The following RARB variants were observed in gnomAD, a reference collection of about 807,000 sequenced individuals.
RARB encodes the protein HBV-activated protein.
In RARB, 17 loss-of-function variants were observed where a neutral mutation model predicts 51.9. The ratio of observed to expected loss-of-function variants is 0.33; its 90% CI spans 0.22 to 0.49. RARB has a LOEUF of 0.49. Ranked by LOEUF, RARB falls within the 20% of genes least tolerant of loss-of-function variation. RARB has a pLI of 0.99. For missense variants in RARB, 369 were observed against 550.8 expected (o/e 0.67, Z 3.30); for synonymous variants, 215 against 195.4 (o/e 1.10, Z -0.84).
chr3:25,093,712 T>C (rs1304600132), intron 3 of RARB, among the ~76,000 whole-genome samples: 2 of 152,084 alleles, frequency 1.3e-5, no homozygotes, highest in African/African-American at 4.8e-5. Context: ...GGGTTTTTTT[T>C]TGCATGTCTC....
chr3:25,459,448 T>G (rs1695064411), intron 1 of RARB, among the ~76,000 whole-genome samples: 1 of 151,966 alleles, frequency 6.6e-6, no homozygotes, highest in African/African-American at 2.4e-5. Context: ...TACTAAGGAG[T>G]TTGACTTTGA....
At chr3:25,107,194 C>G (rs1699523187) in intron 3 of RARB, among the ~76,000 whole-genome samples, 1 of 152,178 alleles carries the variant, frequency 6.6e-6, no homozygotes, top group South Asian at 2.1e-4. Flanking sequence ...AGCCACTGCA[C>G]CCAGCCCCTT....
At chr3:25,444,491 G>A (rs890214094) in intron 1 of RARB, among the ~76,000 whole-genome samples, 1 of 152,058 alleles carries the variant, frequency 6.6e-6, no homozygotes, top group African/African-American at 2.4e-5. Flanking sequence ...ATTAAATTAT[G>A]TACACATCAG....
chr3:25,460,029 G>A (rs559027971), intron 1 of RARB, among the ~76,000 whole-genome samples: 1 of 152,274 alleles, frequency 6.6e-6, no homozygotes, highest in South Asian at 2.1e-4. Context: ...CATGGAATTT[G>A]GGTGGTTAGA....
chr3:25,153,305 T>C (rs1366257400), intron 4 of RARB, among the ~76,000 whole-genome samples: 1 of 152,210 alleles, frequency 6.6e-6, no homozygotes, highest in Non-Finnish European at 1.5e-5. Flanking sequence ...CGCAGACTTT[T>C]AACAAGCAAT....
chr3:25,109,097 T>C (rs1699557680), intron 3 of RARB, among the ~76,000 whole-genome samples: 1 of 152,218 alleles, frequency 6.6e-6, no homozygotes. Flanking sequence ...ACAATAGCTC[T>C]GAAGGTGTTA....
At chr3:24,995,984 A>C (rs1362277292) in intron 2 of RARB, among the ~76,000 whole-genome samples, 1 of 152,012 alleles carries the variant, frequency 6.6e-6, no homozygotes, top group East Asian at 1.9e-4. Flanking sequence ...GAATGAGTTA[A>C]GAAGAATTTC....
chr3:25,017,261 C>T (rs1008167355), intron 2 of RARB, among the ~76,000 whole-genome samples: 4 of 141,878 alleles, frequency 2.8e-5, no homozygotes, highest in Admixed American at 7.1e-5. Context: ...GAAGTGAACT[C>T]GATTGTGACT....
At chr3:25,335,534 C>T (rs560307435) in intron 5 of RARB, among the ~76,000 whole-genome samples, 3 of 152,126 alleles carry the variant, frequency 2.0e-5, no homozygotes, top group Non-Finnish European at 4.4e-5. Flanking sequence ...ACCTCATTAC[C>T]TTCTCTTGGC....
intron 2 of RARB, among the ~76,000 whole-genome samples, chr3:25,469,589 C>T (rs1237360328): frequency 6.6e-6 from 1 of 152,210 alleles, no homozygotes; most frequent in African/African-American, 2.4e-5. Context: ...ACCCAAAAAG[C>T]GTCCCTCTGT....
intron 2 of RARB, among the ~76,000 whole-genome samples, chr3:24,861,529 AAG>A (rs1381876553): frequency 6.6e-6 from 1 of 151,998 alleles, no homozygotes; most frequent in Non-Finnish European, 1.5e-5. Context: ...ATTAGGAACT[AAG>A]AGAATGATTT....
chr3:24,830,724 A>G (rs1702268853), intron 1 of RARB, among the ~76,000 whole-genome samples: 1 of 151,826 alleles, frequency 6.6e-6, no homozygotes, highest in Non-Finnish European at 1.5e-5. Context: ...CTGTCCTGCC[A>G]GTTATGGAGG....
chr3:25,232,605 C>T (rs1702204875), intron 5 of RARB, among the ~76,000 whole-genome samples: 1 of 152,004 alleles, frequency 6.6e-6, no homozygotes. Context: ...ATATTTATGT[C>T]TAAGTATCAA....
chr3:25,306,502 TA>T lies in RARB; in HGVS notation c.178+131939del, dbSNP rs879672866. Among the ~76,000 whole-genome samples, 742 of 142,230 alleles carry T rather than the reference TA, an allele frequency of 5.2e-3. 3 individuals are homozygous for T. Among genetic ancestry groups the T allele is most frequent in the African/African-American group, 0.01 (398 of 38,930 alleles). 93.3% of individuals were successfully genotyped at this position (142,230 alleles called of 152,430 possible). ...GAAAAACCAGGAATTATTCATTCTT[TA>T]AAAAAAAAAAAGACTTAGAAGAAAA... On this transcript the variant is annotated intron_variant, in intron 5 of 11. Transcript: ENST00000383772.
intron 2 of RARB, among the ~76,000 whole-genome samples, chr3:24,988,281 G>T (rs1246620370): frequency 1.3e-5 from 2 of 152,116 alleles, no homozygotes; most frequent in Non-Finnish European, 1.5e-5. Flanking sequence ...TTGAGCTTAG[G>T]GGTTGTGAGT....
intron 2 of RARB, among the ~76,000 whole-genome samples, chr3:24,979,757 C>T (rs1355890160): frequency 6.6e-6 from 1 of 152,092 alleles, no homozygotes; most frequent in Admixed American, 6.6e-5. Context: ...TTAATTGGGA[C>T]ATTTAACCCA....
chr3:25,096,030 G>T (rs1699287055), intron 3 of RARB, among the ~76,000 whole-genome samples: 1 of 152,138 alleles, frequency 6.6e-6, no homozygotes, highest in South Asian at 2.1e-4. Context: ...CCCATTACTG[G>T]ACTGCTTAAT....
At chr3:25,262,452 T>C (rs1364212248) in intron 5 of RARB, among the ~76,000 whole-genome samples, 1 of 152,222 alleles carries the variant, frequency 6.6e-6, no homozygotes, top group Non-Finnish European at 1.5e-5. Context: ...AAATCTAATA[T>C]GGATCTCATT....
intron 2 of RARB, among the ~76,000 whole-genome samples, chr3:24,955,312 ACAAT>A (rs1291083108): frequency 6.6e-6 from 1 of 152,138 alleles, no homozygotes; most frequent in African/African-American, 2.4e-5. Flanking sequence ...TCTCCTCTTA[ACAAT>A]CAGCCACTTG....
Sources: gnomAD v4.1 joint callset for allele counts (sites outside exome capture counted in the v4.1 genomes callset) on GRCh38, gnomAD v4.1.1 for gene constraint, MANE v1.5 for transcripts, NCBI Gene and HGNC (gene_info 2026-07-23, HGNC 2026-07-21) for gene names.